CTNNA2: variants seen among roughly 807,000 people sequenced by gnomAD.
CTNNA2 encodes catenin alpha-2.
A neutral mutation model predicts 101.0 loss-of-function variants in CTNNA2; 42 were observed. That is an observed-to-expected ratio of 0.42 (90% CI 0.32 to 0.54). CTNNA2 has a LOEUF of 0.54. CTNNA2 is among the 20% of genes least tolerant of loss of function. CTNNA2 has a pLI of 0.14. For missense variants in CTNNA2, 871 were observed against 1,223.1 expected (o/e 0.71, Z 4.29); for synonymous variants, 450 against 456.4 (o/e 0.99, Z 0.18).
chr2:79,972,676 A>G (rs1690567517), intron 7 of CTNNA2, among the ~76,000 whole-genome samples: 2 of 152,184 alleles, frequency 1.3e-5, no homozygotes, highest in Non-Finnish European at 2.9e-5. Context: ...GCAGTAATAA[A>G]GAGTCATATC....
At chr2:80,198,288 G>A (rs1005905014) in intron 7 of CTNNA2, among the ~76,000 whole-genome samples, 1 of 152,122 alleles carries the variant, frequency 6.6e-6, no homozygotes, top group East Asian at 1.9e-4. Context: ...CTTGTTTGAG[G>A]TCTTTGCTCT....
chr2:80,185,691 G>T (rs145130471), intron 7 of CTNNA2, among the ~76,000 whole-genome samples: 4 of 152,252 alleles, frequency 2.6e-5, no homozygotes, highest in Middle Eastern at 3.4e-3. Flanking sequence ...TTGTTAAAGA[G>T]CGGCATGTTA....
intron 12 of CTNNA2, among the ~76,000 whole-genome samples, chr2:80,568,632 G>A (rs961817309): frequency 6.6e-6 from 1 of 151,966 alleles, no homozygotes; most frequent in Non-Finnish European, 1.5e-5. Flanking sequence ...GAGAATTGTA[G>A]AGAACTGTCT....
chr2:79,727,093 A>G (rs988840550), intron 2 of CTNNA2, among the ~76,000 whole-genome samples: 15 of 152,222 alleles, frequency 9.9e-5, no homozygotes, highest in Non-Finnish European at 1.9e-4. Flanking sequence ...TCACTAGCAC[A>G]TTGCTAAAAA....
intron 9 of CTNNA2, among the ~76,000 whole-genome samples, chr2:80,420,063 A>AC (rs1680398251): frequency 7.2e-6 from 1 of 138,308 alleles, no homozygotes; most frequent in East Asian, 2.0e-4. Context: ...AAAAAAAAAA[A>AC]CCCACCTTCC....
intron 4 of CTNNA2, among the ~76,000 whole-genome samples, chr2:79,488,707 A>G (rs1383500660): frequency 6.6e-6 from 1 of 152,154 alleles, no homozygotes; most frequent in Non-Finnish European, 1.5e-5. Flanking sequence ...TTCTCAATGA[A>G]CAATTTCTTG....
rs149706447 is a variant in CTNNA2, at chr2:79,207,341, C to A, written c.-406+9265C>A. On this transcript the variant is annotated intron_variant, in intron 2 of 21. Coordinates refer to the CTNNA2 transcript ENST00000466387. ...TCACCTAGGTAGTCCAGTAGGAGAC[C>A]ACCACCTCTTTAACCTAAAGCTACC... Among the ~76,000 whole-genome samples, 489 of 152,162 alleles carry A rather than the reference C, an allele frequency of 3.2e-3. 5 individuals are homozygous for A. The highest frequency in any genetic ancestry group is 0.011 in the African/African-American group (461 of 41,522).
intron 7 of CTNNA2, chr2:80,313,380 G>T: frequency 2.2e-6 from 3 of 1,346,856 alleles, no homozygotes; most frequent in Non-Finnish European, 1.9e-6. Flanking sequence ...TACCCGATGA[G>T]AAGCAGAGTT....
In CTNNA2 at chr2:79,869,708, A is replaced by T. The variant is rs918507335; in HGVS notation, c.466-108A>T. 3.6e-6 allele frequency: 5 copies of T among 1,386,652 alleles called. No homozygotes were observed. The African/African-American group carries it at 7.3e-5, about 20-fold the overall frequency. 85.9% of individuals were successfully genotyped at this position (1,386,652 alleles called of 1,614,324 possible). A position where few individuals can be genotyped will look rare whatever the true frequency, so the allele number is the denominator to read the frequency against. ...TCTCCTATTTTTTCATTTACATGTTAACACATACTAGTGTTTTAGAGTTTT... is the reference window on the plus strand; with the variant it reads ...TCTCCTATTTTTTCATTTACATGTTTACACATACTAGTGTTTTAGAGTTTT... On this transcript the variant is annotated intron_variant, in intron 4 of 18. Coordinates refer to ENST00000402739, the MANE Select transcript of CTNNA2 (RefSeq NM_001282597.3).
intron 2 of CTNNA2, among the ~76,000 whole-genome samples, chr2:79,274,504 T>C (rs1383187706): frequency 1.3e-5 from 2 of 152,076 alleles, no homozygotes; most frequent in African/African-American, 4.8e-5. Flanking sequence ...TATAGATAAA[T>C]AACAAAATAA....
chr2:79,930,264 A>G (rs75603124), intron 7 of CTNNA2, among the ~76,000 whole-genome samples: 63 of 128,158 alleles, frequency 4.9e-4, no homozygotes, highest in African/African-American at 1.6e-3. Flanking sequence ...GAAAGAAAGA[A>G]AGAAAGAAAG....
chr2:79,874,979 C>T (rs902584011), intron 6 of CTNNA2, among the ~76,000 whole-genome samples: 3 of 152,154 alleles, frequency 2.0e-5, no homozygotes, highest in Non-Finnish European at 4.4e-5. Context: ...GTTGTGCCTG[C>T]GTGAAAAGCT....
At chr2:79,796,119 T>C (rs928199558) in intron 3 of CTNNA2, among the ~76,000 whole-genome samples, 7 of 152,216 alleles carry the variant, frequency 4.6e-5, no homozygotes, top group African/African-American at 1.7e-4. Context: ...TTGTATGTTT[T>C]TGATACTTGG....
At chr2:79,412,698 G>C (rs1051378225) in intron 4 of CTNNA2, among the ~76,000 whole-genome samples, 1 of 152,036 alleles carries the variant, frequency 6.6e-6, no homozygotes, top group Non-Finnish European at 1.5e-5. Context: ...TGAAGCCAAC[G>C]AGAACAAAGA....
At chr2:79,594,597 C>T (rs979214170) in intron 1 of CTNNA2, among the ~76,000 whole-genome samples, 4 of 152,118 alleles carry the variant, frequency 2.6e-5, no homozygotes, top group African/African-American at 4.8e-5. Context: ...CATATCTCTC[C>T]GTTTTGATCC....
intron 4 of CTNNA2, among the ~76,000 whole-genome samples, chr2:79,490,284 C>T (rs1054299384): frequency 4.6e-5 from 7 of 152,190 alleles, no homozygotes; most frequent in Non-Finnish European, 7.4e-5. Context: ...CTTCAAATAC[C>T]GGTCTGTCTT....
intron 1 of CTNNA2, among the ~76,000 whole-genome samples, chr2:79,592,395 G>A (rs573572580): frequency 2.0e-5 from 3 of 152,010 alleles, no homozygotes; most frequent in African/African-American, 7.3e-5. Context: ...GCCTCCCAAA[G>A]TGCTGGAACT....
intron 15 of CTNNA2, among the ~76,000 whole-genome samples, chr2:80,592,913 G>A (rs998274731): frequency 2.0e-5 from 3 of 152,156 alleles, no homozygotes; most frequent in African/African-American, 7.2e-5. Context: ...AAATGGTGAT[G>A]TGACAGCAGT....
At chr2:79,248,752 C>G (rs940806684) in intron 2 of CTNNA2, among the ~76,000 whole-genome samples, 1 of 152,208 alleles carries the variant, frequency 6.6e-6, no homozygotes, top group Non-Finnish European at 1.5e-5. Context: ...ATACATAGCA[C>G]TGGATTGACT....
Sources: gnomAD v4.1 joint callset for allele counts (sites outside exome capture counted in the v4.1 genomes callset) on GRCh38, gnomAD v4.1.1 for gene constraint, MANE v1.5 for transcripts, NCBI Gene and HGNC (gene_info 2026-07-23, HGNC 2026-07-21) for gene names.